Variants in ADCY2 observed in about 807,000 individuals in gnomAD.
The protein encoded by ADCY2 is adenylate cyclase 2, also known as adenylate cyclase type 2.
In ADCY2, 31 loss-of-function variants were observed where a neutral mutation model predicts 125.2. The ratio of observed to expected loss-of-function variants is 0.25; its 90% confidence interval spans 0.19 to 0.33. The LOEUF is 0.33. ADCY2 is among the 10% of genes least tolerant of loss of function. The pLI is 1.00. For synonymous variants in ADCY2, 512 were observed against 548.4 expected (o/e 0.93, Z 0.93); for missense variants, 904 against 1,418.2 (o/e 0.64, Z 5.82).
At chr5:7,754,124 G>A (rs1170190942) in intron 15 of ADCY2, among the ~76,000 whole-genome samples, 1 of 152,084 alleles carries the variant, frequency 6.6e-6, no homozygotes, top group Non-Finnish European at 1.5e-5. Context: ...CTGCCGATTC[G>A]TCATTTTGCC....
intron 1 of ADCY2, among the ~76,000 whole-genome samples, chr5:7,403,344 A>G (rs1437409079): frequency 6.6e-6 from 1 of 152,186 alleles, no homozygotes; most frequent in East Asian, 1.9e-4. Context: ...TAATGAGGAA[A>G]TGTTAGCATA....
intron 2 of ADCY2, among the ~76,000 whole-genome samples, chr5:7,464,300 G>A (rs1267367825): frequency 6.6e-6 from 1 of 152,086 alleles, no homozygotes; most frequent in Non-Finnish European, 1.5e-5. Flanking sequence ...ACACTGAAGG[G>A]CCCTGTGCAG....
At chr5:7,624,139 G>A (rs1256630022) in intron 3 of ADCY2, among the ~76,000 whole-genome samples, 2 of 152,090 alleles carry the variant, frequency 1.3e-5, no homozygotes, top group African/African-American at 4.8e-5. Flanking sequence ...AGAGAACCTC[G>A]TCACATCATT....
chr5:7,666,815 G>T (rs1360189872), intron 4 of ADCY2, among the ~76,000 whole-genome samples: 2 of 152,206 alleles, frequency 1.3e-5, no homozygotes, highest in Non-Finnish European at 2.9e-5. Flanking sequence ...GTGGGTCAGG[G>T]TCATGGATTC....
At chr5:7,503,243 CT>C (rs373786209) in intron 2 of ADCY2, among the ~76,000 whole-genome samples, 115 of 152,244 alleles carry the variant, frequency 7.6e-4, no homozygotes, top group African/African-American at 2.6e-3. Context: ...CATATAAGTG[CT>C]TTTAATTGTT....
chr5:7,665,819 A>T (rs1483505190), intron 4 of ADCY2, among the ~76,000 whole-genome samples: 9 of 113,376 alleles, frequency 7.9e-5, no homozygotes, highest in East Asian at 2.6e-4. Context: ...GTTTTTTTTT[A>T]ATTTAATTCT....
chr5:7,513,409 T>C (rs1744144737), intron 2 of ADCY2, among the ~76,000 whole-genome samples: 1 of 152,204 alleles, frequency 6.6e-6, no homozygotes, highest in Non-Finnish European at 1.5e-5. Flanking sequence ...AACATGTTTA[T>C]TGTTTTGCAG....
chr5:7,700,796 A>C (rs1284564687), intron 7 of ADCY2, among the ~76,000 whole-genome samples: 1 of 146,850 alleles, frequency 6.8e-6, no homozygotes, highest in Non-Finnish European at 1.5e-5. Context: ...CATGTTCCAT[A>C]TTCACTAGCT....
intron 2 of ADCY2, among the ~76,000 whole-genome samples, chr5:7,509,587 C>T (rs1460906538): frequency 6.6e-6 from 1 of 152,170 alleles, no homozygotes; most frequent in Non-Finnish European, 1.5e-5. Context: ...ATCTCTCTAA[C>T]TCTGAATAAC....
intron 4 of ADCY2, among the ~76,000 whole-genome samples, chr5:7,663,816 C>G (rs1413319902): frequency 6.6e-6 from 1 of 152,184 alleles, no homozygotes; most frequent in Admixed American, 6.5e-5. Context: ...GGCACACCCT[C>G]TGCAGAGTTT....
At chr5:7,599,570 A>G (rs1428241460) in intron 3 of ADCY2, among the ~76,000 whole-genome samples, 2 of 152,146 alleles carry the variant, frequency 1.3e-5, no homozygotes, top group African/African-American at 4.8e-5. Context: ...GCTGTGATTG[A>G]TCATCTGAAT....
rs543448286 is a variant in ADCY2 at position 7,730,292 on chromosome 5, T to C, written c.1871+3031T>C. Among the ~76,000 whole-genome samples, 4 of 152,368 alleles carry C rather than the reference T, an allele frequency of 2.6e-5. No individual in the cohort carries two copies. In the South Asian group the frequency reaches 6.2e-4, roughly 24 times the overall value. On this transcript the variant is annotated intron_variant, in intron 14 of 24. Coordinates refer to ENST00000338316, the MANE Select transcript of ADCY2 (RefSeq NM_020546.3). ...ATTTATCCATTCATTGGTTGATGAA[T>C]GCTTGCATTGGTTCCATATCTTGGC...
At chr5:7,771,966 A>G (rs1743569378) in intron 17 of ADCY2, among the ~76,000 whole-genome samples, 1 of 152,186 alleles carries the variant, frequency 6.6e-6, no homozygotes, top group South Asian at 2.1e-4. Context: ...GAAACCCCGT[A>G]ATGTAGCAAA....
At chr5:7,496,294 C>T (rs866304800) in intron 2 of ADCY2, among the ~76,000 whole-genome samples, 2 of 152,036 alleles carry the variant, frequency 1.3e-5, no homozygotes, top group African/African-American at 2.4e-5. Flanking sequence ...TAATAAAAAT[C>T]GCTAACTCCA....
chr5:7,680,583 C>T lies in ADCY2; in HGVS notation c.721-10108C>T, dbSNP rs1740296640. The stretch of plus-strand genomic sequence containing the variant: ...GCTCAGTCCACAGGCTGCCAGTTGC[C>T]TTCCTCTGGACTTAAAGTTTTGGCT... On this transcript the variant is annotated intron_variant, in intron 4 of 24. Coordinates refer to ENST00000338316, the MANE Select transcript of ADCY2 (RefSeq NM_020546.3). 2.6e-5 allele frequency among the ~76,000 whole-genome samples: 4 copies of T among 152,196 alleles called. No individual in the cohort carries two copies. The South Asian group carries it at 8.3e-4, about 32-fold the overall frequency.
rs150162533 is a variant in ADCY2, at chr5:7,622,532, C to T, written c.571-3635C>T. ...GGCATTCTTTCCCATTATCTACAGA[C>T]AGGAGGGGTTCAAATTACATTTGTT... On this transcript the variant is annotated intron_variant, in intron 3 of 24. Transcript: ENST00000338316. 7.3e-3 allele frequency among the ~76,000 whole-genome samples: 1,114 copies of T among 152,286 alleles called. 9 individuals carry two copies. The highest frequency in any genetic ancestry group is 0.025 in the African/African-American group (1,049 of 41,558).
chr5:7,825,149 G>A (rs112171927), intron 24 of ADCY2, among the ~76,000 whole-genome samples: 289 of 146,822 alleles, frequency 2.0e-3, no homozygotes, highest in African/African-American at 5.1e-3. Context: ...CCATAATAAC[G>A]CTGCTGTGTG....
At chr5:7,670,670 T>G (rs1739903590) in intron 4 of ADCY2, among the ~76,000 whole-genome samples, 2 of 152,204 alleles carry the variant, frequency 1.3e-5, no homozygotes, top group Non-Finnish European at 2.9e-5. Flanking sequence ...AGGATGGTTT[T>G]GGGATGAAAC....
intron 3 of ADCY2, among the ~76,000 whole-genome samples, chr5:7,587,995 T>G (rs1003800924): frequency 6.6e-6 from 1 of 152,102 alleles, no homozygotes; most frequent in Non-Finnish European, 1.5e-5. Flanking sequence ...AAGCTGTAAG[T>G]ATTAGAGAGA....
Sources: allele counts gnomAD v4.1 joint callset (sites outside exome capture counted in the v4.1 genomes callset), GRCh38; gene constraint gnomAD v4.1.1; transcripts MANE v1.5; gene names NCBI Gene and HGNC (gene_info 2026-07-23, HGNC 2026-07-21).